Variants in CHN1 observed in about 807,000 individuals in gnomAD.
CHN1 encodes chimerin 1, also known as N-chimaerin.
CHN1 carries 37 observed loss-of-function variants against 59.5 expected under a neutral mutation model. The ratio of observed to expected loss-of-function variants is 0.62; its 90% CI spans 0.48 to 0.82. CHN1 has a LOEUF of 0.82. Ranked by LOEUF, CHN1 falls within the 40% of genes least tolerant of loss-of-function variation. The probability of loss-of-function intolerance (pLI) is 0.00; values close to 1 mark genes in which losing one functional copy is unlikely to be tolerated. For missense variants in CHN1, 469 were observed against 571.0 expected, an observed-to-expected ratio of 0.82 and a Z score of 1.82; for synonymous variants, 206 against 200.4, an observed-to-expected ratio of 1.03 and a Z score of -0.24.
At chr2:174,961,140 G>GGGAAGGGAGGGAGGAAGGAAGGGAGGAAA (rs1274947877) in intron 1 of CHN1, among the ~76,000 whole-genome samples, 1 of 147,890 alleles carries the variant, frequency 6.8e-6, no homozygotes, top group Non-Finnish European at 1.5e-5. Flanking sequence ...AAGGGAGGAA[G>GGGAAGGGAGGGAGGAAGGAAGGGAGGAAA]GGAAGGGAGG....
At chr2:174,828,586 C>A (rs1265906364) in intron 7 of CHN1, among the ~76,000 whole-genome samples, 1 of 152,192 alleles carries the variant, frequency 6.6e-6, no homozygotes, top group Non-Finnish European at 1.5e-5. Flanking sequence ...CAGGCACTGA[C>A]ATCTGCAGAC....
At chr2:174,949,363 C>G (rs1040937996) in intron 2 of CHN1, among the ~76,000 whole-genome samples, 1 of 152,096 alleles carries the variant, frequency 6.6e-6, no homozygotes, top group African/African-American at 2.4e-5. Flanking sequence ...GAGACAGGGT[C>G]TGGAGTTCAG....
chr2:174,972,292 C>T (rs980598347), intron 1 of CHN1, among the ~76,000 whole-genome samples: 3 of 152,132 alleles, frequency 2.0e-5, no homozygotes, highest in African/African-American at 7.2e-5. Context: ...TTCTCTCTGA[C>T]CCACGGCAGG....
chr2:174,878,111 C>G lies in CHN1; in HGVS notation c.278G>C (p.Arg93Thr), dbSNP rs146210527. 6.6e-7 allele frequency: 1 copy of G among 1,526,350 alleles called. No homozygotes were observed. Among genetic ancestry groups the G allele is most frequent in the Admixed American group, 1.8e-5 (1 of 55,058 alleles). The allele number at this position is 1,526,350 out of a possible 1,614,324, so 94.6% of individuals were successfully genotyped here. ...TLALRFGSQT[R>T]NFRLYYDGKH... Reference sequence around the variant, plus strand: ...GCCATCGTAGTAGAGCCTGAAGTTTCTGGTTTGACTTCCAAATCTGCCTCA... The same window carrying G: ...GCCATCGTAGTAGAGCCTGAAGTTTGTGGTTTGACTTCCAAATCTGCCTCA... Residue 93 changes from arginine (R) to threonine (T), a missense_variant, in exon 6 of 13, where the codon AGA becomes ACA. Transcript: ENST00000409900.
chr2:174,836,009 C>A (rs1686063270), intron 7 of CHN1, among the ~76,000 whole-genome samples: 1 of 152,170 alleles, frequency 6.6e-6, no homozygotes. Flanking sequence ...CTCGGCAGAT[C>A]TCCAGAATGC....
chr2:174,902,139 T>G lies in CHN1; in HGVS notation c.260+12919A>C, dbSNP rs947669238. 2.6e-5 allele frequency among the ~76,000 whole-genome samples: 4 copies of G among 152,310 alleles called. 1 individual carries two copies. Among genetic ancestry groups the G allele is most frequent in the African/African-American group, 9.6e-5 (4 of 41,590 alleles). On this transcript the variant is annotated intron_variant, in intron 5 of 12. Coordinates refer to ENST00000409900, the MANE Select transcript of CHN1 (RefSeq NM_001822.7). ...GTGTTTTCCTACATTTTAAAATATTTTTTGTATTGTATATTTGTCAGGGAA... is the reference window on the plus strand; with the variant it reads ...GTGTTTTCCTACATTTTAAAATATTGTTTGTATTGTATATTTGTCAGGGAA...
At chr2:174,979,530 T>A (rs1034403313) in intron 1 of CHN1, among the ~76,000 whole-genome samples, 1 of 152,096 alleles carries the variant, frequency 6.6e-6, no homozygotes, top group African/African-American at 2.4e-5. Flanking sequence ...AAGATGTACA[T>A]AGGGCTGGGC....
intron 10 of CHN1, among the ~76,000 whole-genome samples, chr2:174,810,007 C>G (rs902962250): frequency 1.3e-5 from 2 of 152,188 alleles, no homozygotes; most frequent in African/African-American, 2.4e-5. Flanking sequence ...CCAAACTTGC[C>G]TTTTCACCTT....
intron 5 of CHN1, among the ~76,000 whole-genome samples, chr2:174,899,965 A>G (rs1688337604): frequency 6.6e-6 from 1 of 152,212 alleles, no homozygotes; most frequent in Admixed American, 6.5e-5. Flanking sequence ...ATGTATGTTC[A>G]TTTTGTTTCA....
At chr2:174,919,861 C>CA (rs1362095309) in intron 3 of CHN1, among the ~76,000 whole-genome samples, 1 of 151,878 alleles carries the variant, frequency 6.6e-6, no homozygotes, top group Admixed American at 6.6e-5. Flanking sequence ...AGTTGTACAA[C>CA]AGCTCTTTTG....
intron 2 of CHN1, among the ~76,000 whole-genome samples, chr2:174,947,908 T>C (rs1689895011): frequency 6.6e-6 from 1 of 152,228 alleles, no homozygotes; most frequent in South Asian, 2.1e-4. Flanking sequence ...CAGTTTGGAA[T>C]TTCTGATAAT....
rs1458094271 is a variant in CHN1, at chr2:174,944,895, G to A, written c.107C>T (p.Thr36Ile). 1 of 1,581,754 alleles carries A rather than the reference G, an allele frequency of 6.3e-7. No homozygotes were observed. Among genetic ancestry groups the A allele is most frequent in the Admixed American group, 1.8e-5 (1 of 55,586 alleles). Residue 36 changes from threonine (T) to isoleucine (I), a missense_variant, in exon 3 of 13, where the codon ACT becomes ATT. Around this residue, in one of 5 missense-constraint regions of CHN1, gnomAD observed 152 missense variants for 166.1 expected, o/e 0.92. Transcript: ENST00000409900. ...EAPHPRRITC[T>I]CEVENRPKYY... ...CAGTTTCATTACACCCACCTCGCAA[G>A]TACAGGTAATTCTTCGAGGATGAGG...
At chr2:174,810,754 G>A (rs1470028629) in intron 10 of CHN1, 1 of 152,210 alleles carries the variant, frequency 6.6e-6, no homozygotes, top group Non-Finnish European at 1.5e-5. Flanking sequence ...CCTACAAGAG[G>A]TCTGTGAATG....
chr2:174,801,840 G>GA lies in CHN1; in HGVS notation c.1103-29dup, dbSNP rs759041782. 4 of 1,499,816 alleles carry GA rather than the reference G, an allele frequency of 2.7e-6. No homozygotes were observed. The East Asian group carries it at 6.8e-5, about 25-fold the overall frequency. The allele number at this position is 1,499,816 out of a possible 1,614,324, so 92.9% of individuals were successfully genotyped here. ...AAAATAGCAAGTCGAATACCAAGAA[G>GA]AAAAGAAATAACACAAAACTGATAC... On this transcript the variant is annotated intron_variant, in intron 11 of 12. Coordinates refer to ENST00000409900, the MANE Select transcript of CHN1 (RefSeq NM_001822.7).
At chr2:174,920,099 G>A (rs1262300218) in intron 3 of CHN1, among the ~76,000 whole-genome samples, 6 of 152,188 alleles carry the variant, frequency 3.9e-5, no homozygotes, top group Admixed American at 6.5e-5. Context: ...AAGTTCATCC[G>A]TGTTGTTGCA....
chr2:174,997,136 T>C (rs1451555189), intron 1 of CHN1, among the ~76,000 whole-genome samples: 1 of 152,188 alleles, frequency 6.6e-6, no homozygotes, highest in Non-Finnish European at 1.5e-5. Flanking sequence ...TAAATATTCA[T>C]CAGATAGATG....
chr2:174,887,756 C>T (rs1191830700), intron 5 of CHN1, among the ~76,000 whole-genome samples: 2 of 152,122 alleles, frequency 1.3e-5, no homozygotes, highest in African/African-American at 4.8e-5. Context: ...CTTAAGAGAT[C>T]CTAAGACAAG....
At chr2:174,930,672 G>C (rs1308086538) in intron 3 of CHN1, among the ~76,000 whole-genome samples, 4 of 152,216 alleles carry the variant, frequency 2.6e-5, no homozygotes, top group Non-Finnish European at 5.9e-5. Flanking sequence ...ACTGTGTCAA[G>C]GGTGACTAAG....
chr2:174,912,093 G>A (rs1382051903), intron 5 of CHN1, among the ~76,000 whole-genome samples: 1 of 151,734 alleles, frequency 6.6e-6, no homozygotes, highest in Non-Finnish European at 1.5e-5. Flanking sequence ...GGCTTGCCAG[G>A]GTCCAAGAAA....
Sources: allele counts gnomAD v4.1 joint callset (sites outside exome capture counted in the v4.1 genomes callset), GRCh38; gene constraint gnomAD v4.1.1; regional missense constraint gnomAD v4.1.1; transcripts MANE v1.5; gene names NCBI Gene and HGNC (gene_info 2026-07-23, HGNC 2026-07-21).